Variants in RABGAP1L observed in about 807,000 individuals in gnomAD.
RABGAP1L encodes the protein RAB GTPase activating protein 1 like, also known as rab GTPase-activating protein 1-like.
In RABGAP1L, 63 loss-of-function variants were observed where a neutral mutation model predicts 137.7. The observed-to-expected ratio is 0.46, with a 90% CI of 0.37 to 0.56. The LOEUF is 0.56. Ranked by LOEUF, RABGAP1L falls within the 20% of genes least tolerant of loss-of-function variation. RABGAP1L has a pLI of 0.00. For synonymous variants in RABGAP1L, 431 were observed against 433.7 expected, an observed-to-expected ratio of 0.99 and a Z score of 0.08; for missense variants, 1,095 against 1,244.0, an observed-to-expected ratio of 0.88 and a Z score of 1.80.
chr1:174,524,828 G>C (rs1215044963), intron 13 of RABGAP1L, among the ~76,000 whole-genome samples: 3 of 146,052 alleles, frequency 2.1e-5, no homozygotes, highest in African/African-American at 7.9e-5. Context: ...TATGTGATGA[G>C]AGATAATGGT....
At chr1:174,468,777 G>A (rs867627703) in intron 13 of RABGAP1L, among the ~76,000 whole-genome samples, 1 of 152,134 alleles carries the variant, frequency 6.6e-6, no homozygotes, top group South Asian at 2.1e-4. Flanking sequence ...TAAGTTCCAT[G>A]GGGCAGGGAC....
intron 13 of RABGAP1L, among the ~76,000 whole-genome samples, chr1:174,581,311 A>C (rs76423468): frequency 0.021 from 3,205 of 152,314 alleles, 120 homozygotes; most frequent in African/African-American, 0.074. Context: ...ATCCATTCAT[A>C]GCACATCCAA....
chr1:174,384,262 A>G (rs138188787), intron 12 of RABGAP1L, among the ~76,000 whole-genome samples: 472 of 152,284 alleles, frequency 3.1e-3, no homozygotes, highest in Non-Finnish European at 5.0e-3. Context: ...GTTGTTAAGG[A>G]CTGGTGGTAT....
intron 19 of RABGAP1L, chr1:174,877,307 A>C (rs1653288444): frequency 8.7e-7 from 1 of 1,144,734 alleles, no homozygotes; most frequent in African/African-American, 1.6e-5. Context: ...GTGAATTGCT[A>C]GCCAAGCCTG....
intron 18 of RABGAP1L, 47 bp from the exon 19 acceptor site, chr1:174,811,785 C>T: frequency 1.4e-6 from 2 of 1,452,100 alleles, no homozygotes; most frequent in South Asian, 1.7e-5. Flanking sequence ...TATTTGTCCT[C>T]AAAGCAGGCT....
At chr1:174,386,176 T>C (rs1318414149) in intron 12 of RABGAP1L, among the ~76,000 whole-genome samples, 1 of 152,206 alleles carries the variant, frequency 6.6e-6, no homozygotes, top group African/African-American at 2.4e-5. Context: ...AGGTAATAAC[T>C]GACAGTTCAG....
At chr1:174,535,161 A>T (rs1298721652) in intron 13 of RABGAP1L, among the ~76,000 whole-genome samples, 2 of 152,158 alleles carry the variant, frequency 1.3e-5, no homozygotes, top group Non-Finnish European at 2.9e-5. Flanking sequence ...TCTTTTAGGT[A>T]TAGCTGTAAA....
intron 1 of RABGAP1L, among the ~76,000 whole-genome samples, chr1:174,171,873 T>C (rs538648963): frequency 2.7e-4 from 41 of 152,124 alleles, no homozygotes; most frequent in Non-Finnish European, 4.6e-4. Context: ...TGGTGGCATG[T>C]GCCTGTAATC....
intron 1 of RABGAP1L, among the ~76,000 whole-genome samples, chr1:174,187,551 A>G (rs1327906445): frequency 6.6e-6 from 1 of 152,158 alleles, no homozygotes; most frequent in Non-Finnish European, 1.5e-5. Context: ...TTAAAATGGA[A>G]GTGTGTACAT....
At chr1:174,179,707 T>G (rs562302986) in intron 1 of RABGAP1L, among the ~76,000 whole-genome samples, 10 of 152,268 alleles carry the variant, frequency 6.6e-5, no homozygotes, top group African/African-American at 2.4e-4. Context: ...ATTAGCACAG[T>G]GAAAAAAGCA....
chr1:174,358,667 G>A (rs1683862073), intron 11 of RABGAP1L, among the ~76,000 whole-genome samples: 1 of 152,122 alleles, frequency 6.6e-6, no homozygotes, highest in Non-Finnish European at 1.5e-5. Context: ...CTGTTGGATA[G>A]GGGTATACTT....
chr1:174,161,582 A>T (rs1664464039), intron 1 of RABGAP1L, among the ~76,000 whole-genome samples: 3 of 152,160 alleles, frequency 2.0e-5, no homozygotes, highest in Admixed American at 2.0e-4. Context: ...AGTAGATGAA[A>T]TAGGGTAGAG....
intron 17 of RABGAP1L, among the ~76,000 whole-genome samples, chr1:174,744,346 CTT>C (rs932799110): frequency 7.9e-6 from 1 of 126,318 alleles, no homozygotes; most frequent in Non-Finnish European, 1.9e-5. Flanking sequence ...CTAGTATTAA[CTT>C]ATTTCTTTTT....
At chr1:174,733,426 CT>C (rs1169863338) in intron 17 of RABGAP1L, among the ~76,000 whole-genome samples, 1 of 152,206 alleles carries the variant, frequency 6.6e-6, no homozygotes, top group Non-Finnish European at 1.5e-5. Flanking sequence ...TTGGTTTGCA[CT>C]GCTTTCCTCC....
intron 14 of RABGAP1L, among the ~76,000 whole-genome samples, chr1:174,677,784 A>G (rs1485804351): frequency 6.6e-6 from 1 of 152,234 alleles, no homozygotes; most frequent in Non-Finnish European, 1.5e-5. Flanking sequence ...TCAAGAAATT[A>G]CTGGCAAGTT....
chr1:174,269,958 A>G (rs766838240), intron 7 of RABGAP1L, among the ~76,000 whole-genome samples: 10 of 152,200 alleles, frequency 6.6e-5, no homozygotes, highest in Non-Finnish European at 1.5e-4. Context: ...GTTACTAATA[A>G]TATCTATCTA....
chr1:174,550,872 A>ATATATG (rs1185158070), intron 13 of RABGAP1L, among the ~76,000 whole-genome samples: 1 of 80,694 alleles, frequency 1.2e-5, no homozygotes, highest in Non-Finnish European at 2.1e-5. Flanking sequence ...ATATATATAT[A>ATATATG]TATATATATA....
intron 13 of RABGAP1L, among the ~76,000 whole-genome samples, chr1:174,516,119 C>G (rs766767140): frequency 2.2e-5 from 2 of 90,170 alleles, no homozygotes; most frequent in Admixed American, 1.4e-4. Context: ...AACTGAAGCT[C>G]TACACACACA....
Position 174,936,446 on chromosome 1 carries a change from TA to T in RABGAP1L, c.2341-21010del, listed in dbSNP as rs573297123. 4.7e-4 allele frequency among the ~76,000 whole-genome samples: 71 copies of T among 151,746 alleles called. 1 individual carries two copies. In the East Asian group the frequency reaches 0.013, roughly 28 times the overall value. ...GGCGAAACCCTGTCTCCACAAAAAA[TA>T]CAAAAATTAGCTTGGTATGGTGGCA... On this transcript the variant is annotated intron_variant, in intron 19 of 25. Coordinates refer to ENST00000681986, the MANE Select transcript of RABGAP1L (RefSeq NM_001366446.1).
Sources: allele counts gnomAD v4.1 joint callset (sites outside exome capture counted in the v4.1 genomes callset), GRCh38; gene constraint gnomAD v4.1.1; transcripts MANE v1.5; gene names NCBI Gene and HGNC (gene_info 2026-07-23, HGNC 2026-07-21).